The following MSRA variants were observed in gnomAD, a reference collection of about 807,000 sequenced individuals.
MSRA encodes methionine sulfoxide reductase A, also known as mitochondrial peptide methionine sulfoxide reductase.
MSRA carries 54 observed loss-of-function variants against 31.3 expected under a neutral mutation model. The ratio of observed to expected loss-of-function variants is 1.73; its 90% confidence interval spans 1.39 to 2.17. The LOEUF is 2.17. Among genes scored for constraint, MSRA ranks in the 30% most tolerant of loss-of-function variants. The pLI is 0.00. For synonymous variants in MSRA, 169 were observed against 116.5 expected (o/e 1.45, Z -2.90); for missense variants, 507 against 300.9 (o/e 1.69, Z -5.07).
rs1797560970 is a variant in MSRA, at chr8:10,245,221, C to T, written c.329C>T (p.Ser110Leu). 2 of 1,612,786 alleles carry T rather than the reference C, an allele frequency of 1.2e-6. No individual in the cohort carries two copies. The highest frequency in any genetic ancestry group is 2.2e-5 in the East Asian group (1 of 44,824). ...AATCCTACTTATAAAGAAGTCTGCT[C>T]AGGTAGGAAGAATTTGCTTTATTGT... Reference protein sequence around the residue: ...TSNPTYKEVCSEKTGHAEVVR... With the variant: ...TSNPTYKEVCLEKTGHAEVVR... The change falls in exon 3 of 6, where the codon TCA becomes TTA. Residue 110 changes from serine to leucine, a missense_variant and splice_region_variant. Coordinates refer to ENST00000317173, the MANE Select transcript of MSRA (RefSeq NM_012331.5).
At chr8:10,057,697 A>C (rs976851337) in intron 1 of MSRA, among the ~76,000 whole-genome samples, 3 of 151,974 alleles carry the variant, frequency 2.0e-5, no homozygotes, top group African/African-American at 7.2e-5. Flanking sequence ...TGATTATTTA[A>C]AAGTGTGTAG....
At chr8:10,310,530 G>C (rs754186630) in intron 4 of MSRA, among the ~76,000 whole-genome samples, 4 of 152,142 alleles carry the variant, frequency 2.6e-5, no homozygotes, top group Non-Finnish European at 4.4e-5. Flanking sequence ...ACAAGGGTTT[G>C]GTGTCTGCAC....
intron 3 of MSRA, among the ~76,000 whole-genome samples, chr8:10,260,914 A>G (rs1798445664): frequency 6.6e-6 from 1 of 152,260 alleles, no homozygotes; most frequent in Admixed American, 6.5e-5. Flanking sequence ...TATTCAAAAT[A>G]TAGCTGAAAT....
At chr8:10,277,440 A>T (rs568967858) in intron 3 of MSRA, among the ~76,000 whole-genome samples, 2 of 152,282 alleles carry the variant, frequency 1.3e-5, no homozygotes, top group South Asian at 2.1e-4. Flanking sequence ...TAAGAATAGG[A>T]AATTGAGGAG....
At chr8:10,192,685 G>C (rs1033784633) in intron 1 of MSRA, among the ~76,000 whole-genome samples, 4 of 152,204 alleles carry the variant, frequency 2.6e-5, no homozygotes, top group Admixed American at 6.5e-5. Context: ...CTTGCAACCA[G>C]CTTGACCAGT....
chr8:10,329,279 T>C (rs7816713), intron 5 of MSRA, among the ~76,000 whole-genome samples: 64,799 of 152,098 alleles, frequency 0.43, 15,425 homozygotes, highest in Non-Finnish European at 0.52. Context: ...ATCAGGGTAC[T>C]AGCTGGGCTC....
rs141810145 is a variant in MSRA, at chr8:10,309,174, T to C, written c.436+7536T>C. On this transcript the variant is annotated intron_variant, in intron 4 of 5. Transcript: ENST00000317173. ...ACTCATCATGAGGTAAAATCACATG[T>C]TTAATTGTTTATTGCTTATTCTCTG... is the stretch of plus-strand genomic sequence containing the variant. Among the ~76,000 whole-genome samples the C allele has an allele frequency of 4.9e-3, 739 of 152,366 alleles. 4 individuals are homozygous for C. The highest frequency in any genetic ancestry group is 0.017 in the African/African-American group (695 of 41,582).
At chr8:10,388,762 C>T (rs778309673) in intron 5 of MSRA, among the ~76,000 whole-genome samples, 3 of 151,846 alleles carry the variant, frequency 2.0e-5, no homozygotes, top group Non-Finnish European at 2.9e-5. Flanking sequence ...CAGATAATTC[C>T]GTGTTGGGGG....
chr8:10,243,833 A>G lies in MSRA; in HGVS notation c.212-1271A>G, dbSNP rs77470150. 8.1e-3 allele frequency among the ~76,000 whole-genome samples: 1,239 copies of G among 152,302 alleles called. 11 individuals carry two copies. Among genetic ancestry groups the G allele is most frequent in the South Asian group, 0.047 (228 of 4,818 alleles). On this transcript the variant is annotated intron_variant, in intron 2 of 5. Transcript: ENST00000317173. ...AGCCTTAGGTAATTATGATATCACAAACATATTTCCATGTTGCAATATTAT... is the reference window on the plus strand; with the variant it reads ...AGCCTTAGGTAATTATGATATCACAGACATATTTCCATGTTGCAATATTAT...
chr8:10,059,608 ATAAAT>A (rs1346009856), intron 1 of MSRA, among the ~76,000 whole-genome samples: 4 of 152,226 alleles, frequency 2.6e-5, no homozygotes, highest in Non-Finnish European at 5.9e-5. Context: ...CGTAAGACTG[ATAAAT>A]TAGATTATAT....
At chr8:10,288,241 C>A (rs898417126) in intron 3 of MSRA, among the ~76,000 whole-genome samples, 2 of 152,156 alleles carry the variant, frequency 1.3e-5, no homozygotes, top group Non-Finnish European at 2.9e-5. Flanking sequence ...TCCCCCAGTC[C>A]CCTTCCATTA....
At chr8:10,382,071 C>A (rs1472023505) in intron 5 of MSRA, among the ~76,000 whole-genome samples, 1 of 152,216 alleles carries the variant, frequency 6.6e-6, no homozygotes. Flanking sequence ...GAAACTGAGT[C>A]CCAGTGAAGT....
At chr8:10,358,512 T>C (rs894656269) in intron 5 of MSRA, among the ~76,000 whole-genome samples, 1 of 143,014 alleles carries the variant, frequency 7.0e-6, no homozygotes. Flanking sequence ...GGAGGTGAGC[T>C]GGCATTACCA....
chr8:10,328,975 A>T (rs989652300), intron 5 of MSRA, among the ~76,000 whole-genome samples: 1 of 152,204 alleles, frequency 6.6e-6, no homozygotes, highest in Non-Finnish European at 1.5e-5. Flanking sequence ...GTATATTAAA[A>T]GGAAGGATTA....
At chr8:10,206,879 C>T (rs1247323735) in intron 1 of MSRA, among the ~76,000 whole-genome samples, 2 of 152,210 alleles carry the variant, frequency 1.3e-5, no homozygotes. Context: ...TCCTCGAGGG[C>T]AGGAACTGTG....
chr8:10,090,209 C>T (rs1798786640), intron 1 of MSRA, among the ~76,000 whole-genome samples: 1 of 152,072 alleles, frequency 6.6e-6, no homozygotes, highest in Admixed American at 6.6e-5. Context: ...AGTTGGAAGA[C>T]AAAAATGACT....
At chr8:10,329,465 G>A (rs1802567155) in intron 5 of MSRA, among the ~76,000 whole-genome samples, 1 of 152,190 alleles carries the variant, frequency 6.6e-6, no homozygotes, top group African/African-American at 2.4e-5. Context: ...GACACTGACA[G>A]TTGCATTTAG....
At chr8:10,156,524 A>C (rs1032932506) in intron 1 of MSRA, among the ~76,000 whole-genome samples, 8 of 152,154 alleles carry the variant, frequency 5.3e-5, no homozygotes, top group Admixed American at 4.6e-4. Context: ...ATTCAATGCT[A>C]TATCGTTTGT....
At chr8:10,321,745 A>C (rs1288492169) in intron 5 of MSRA, among the ~76,000 whole-genome samples, 3 of 152,172 alleles carry the variant, frequency 2.0e-5, no homozygotes, top group Non-Finnish European at 4.4e-5. Context: ...CCCTGTGCAG[A>C]GGCTTACATG....
Sources: allele counts gnomAD v4.1 joint callset (sites outside exome capture counted in the v4.1 genomes callset), GRCh38; gene constraint gnomAD v4.1.1; transcripts MANE v1.5; gene names NCBI Gene and HGNC (gene_info 2026-07-23, HGNC 2026-07-21).